Variants in SELENBP1 observed in about 807,000 individuals in gnomAD.
SELENBP1 encodes the protein selenium binding protein 1.
SELENBP1 carries 71 observed loss-of-function variants against 61.0 expected under a neutral mutation model. That is an observed-to-expected ratio of 1.16 (90% CI 0.96 to 1.42). The LOEUF (loss-of-function observed/expected upper bound fraction) is 1.42. Ranked by LOEUF, SELENBP1 falls within the 40% of genes most tolerant of loss-of-function variation. The probability of loss-of-function intolerance (pLI) is 0.00; values close to 1 mark genes in which losing one functional copy is unlikely to be tolerated. For synonymous variants in SELENBP1, 270 were observed against 238.9 expected (o/e 1.13, Z -1.20); for missense variants, 561 against 605.0 (o/e 0.93, Z 0.76).
At chr1:151,365,479 C>A in intron 9 of SELENBP1, 84 bp downstream of exon 9, 1 of 1,594,736 alleles carries the variant, frequency 6.3e-7, no homozygotes, top group Non-Finnish European at 8.5e-7. Flanking sequence ...CAACATCCTG[C>A]AGCTGCTTCA....
In SELENBP1 at chr1:151,366,293, C is replaced by T. The variant is rs761318509; in HGVS notation, c.825G>A (p.Gln275=). 17 of 1,613,754 alleles carry T rather than the reference C, an allele frequency of 1.1e-5. No homozygotes were observed. Among genetic ancestry groups the T allele is most frequent in the Non-Finnish European group, 1.4e-5 (17 of 1,179,886 alleles). The change falls in exon 7 of 12, where the codon CAG becomes CAA. Residue 275 remains glutamine, a synonymous_variant. Coordinates refer to ENST00000368868, the MANE Select transcript of SELENBP1 (RefSeq NM_003944.4). ...ATGTCACCTCGTTCTTGTAGAAGCG[C>T]TGGATGGTGGAGCTGAGTGCGCAGC... ...FVGCALSSTI[Q]RFYKNEGGTW...
Position 151,366,311 on chromosome 1 carries a change from T to G in SELENBP1, c.807A>C (p.Ala269=). 6.2e-7 allele frequency: 1 copy of G among 1,613,982 alleles called. No homozygotes were observed. Among genetic ancestry groups the G allele is most frequent in the Non-Finnish European group, 8.5e-7 (1 of 1,180,002 alleles). ...AGAAGCGCTGGATGGTGGAGCTGAG[T>G]GCGCAGCCCACAAAGCCTTGGGCAG... ...PDAAQGFVGC[A]LSSTIQRFYK... Residue 269 remains alanine (A), a synonymous_variant, in exon 7 of 12, where the codon GCA becomes GCC. Coordinates refer to ENST00000368868, the MANE Select transcript of SELENBP1 (RefSeq NM_003944.4).
chr1:151,372,660 T>G lies in SELENBP1; in HGVS notation c.-19A>C. 6.2e-7 allele frequency: 1 copy of G among 1,614,100 alleles called. No individual in the cohort carries two copies. The highest frequency in any genetic ancestry group is 1.3e-5 in the African/African-American group (1 of 75,030). On this transcript the variant is annotated 5_prime_UTR_variant, in exon 1 of 12. Coordinates refer to ENST00000368868, the MANE Select transcript of SELENBP1 (RefSeq NM_003944.4). ...TACCCATGCTGCCGACTGGTACACT[T>G]TGATCCCGGCGGGTTTGCTGTGCTG...
chr1:151,364,830 G>T, intron 11 of SELENBP1, 96 bp downstream of exon 11: 1 of 1,471,914 alleles, frequency 6.8e-7, no homozygotes, highest in Non-Finnish European at 9.3e-7. Flanking sequence ...TCTGTGTGGT[G>T]GGGTACAGGG....
chr1:151,367,155 C>T (rs926412646), intron 5 of SELENBP1: 7 of 803,920 alleles, frequency 8.7e-6, no homozygotes, highest in Non-Finnish European at 1.2e-5. Flanking sequence ...TCAGCCTGGC[C>T]AACATGGTGA....
intron 4 of SELENBP1, 43 bp downstream of exon 4, chr1:151,368,961 G>C (rs1395721531): frequency 6.4e-7 from 1 of 1,562,758 alleles, no homozygotes; most frequent in Admixed American, 1.8e-5. Flanking sequence ...TGGGGTGGCA[G>C]GTGTCTTATG....
chr1:151,368,937 G>A (rs1651993804), intron 4 of SELENBP1, 67 bp downstream of exon 4: 2 of 1,508,652 alleles, frequency 1.3e-6, no homozygotes, highest in Admixed American at 3.8e-5. Flanking sequence ...CTGGCTTCCT[G>A]CCCGTAGACT....
Position 151,365,282 on chromosome 1 carries a change from C to T in SELENBP1, c.1045-1G>A, listed in dbSNP as rs749572782. ...TAACAATGCTGCCTCCGAGGAAGAG[C>T]TAGATGGGGAGGTGCAGAGTATAAG... is the stretch of plus-strand genomic sequence containing the variant. On this transcript the variant is annotated splice_acceptor_variant, in intron 9 of 11. Transcript: ENST00000368868. LOFTEE classifies it high-confidence loss of function. The T allele has an allele frequency of 1.2e-6, 2 of 1,611,590 alleles. No homozygotes were observed. The highest frequency in any genetic ancestry group is 2.2e-5 in the South Asian group (2 of 90,734).
intron 4 of SELENBP1, among the ~76,000 whole-genome samples, chr1:151,368,664 C>A (rs1039711678): frequency 1.3e-5 from 2 of 152,206 alleles, no homozygotes; most frequent in African/African-American, 4.8e-5. Context: ...AAATGCCTGG[C>A]ACCAAAAGTG....
At position 151,368,327 on chromosome 1, in the gene SELENBP1, G is replaced by C; in HGVS notation, c.361-8C>G. 1 of 1,613,918 alleles carries C rather than the reference G, an allele frequency of 6.2e-7. No homozygotes were observed. Among genetic ancestry groups the C allele is most frequent in the African/African-American group, 1.3e-5 (1 of 75,036 alleles). On this transcript the variant is annotated splice_polypyrimidine_tract_variant and splice_region_variant and intron_variant, in intron 4 of 11. Transcript: ENST00000368868. ...GTCCTTGGGCTCAATGACCTGGAAGGGGTGGGGAATGGTGTCAGAATCATA... is the reference window on the plus strand; with the variant it reads ...GTCCTTGGGCTCAATGACCTGGAAGCGGTGGGGAATGGTGTCAGAATCATA...
At position 151,365,845 on chromosome 1, in the gene SELENBP1, C is replaced by CCA; in HGVS notation, c.844_845insTG (p.Gly282ValfsTer10). The stretch of plus-strand genomic sequence containing the variant: ...CACCTTCTCCACTGACCATGTACCT[C>CCA]CCTACATTGAGGGGTGGAGGGTGAG... On this transcript the variant is annotated frameshift_variant and splice_region_variant, in exon 8 of 12. Transcript: ENST00000368868. LOFTEE classifies it high-confidence loss of function. 6.2e-7 allele frequency: 1 copy of CCA among 1,614,060 alleles called. No homozygotes were observed. The highest frequency in any genetic ancestry group is 1.1e-5 in the South Asian group (1 of 91,078).
chr1:151,369,360 TG>T, intron 3 of SELENBP1, 81 bp downstream of exon 3: 1 of 1,446,808 alleles, frequency 6.9e-7, no homozygotes, highest in South Asian at 1.2e-5. Context: ...CCAAGAAGGA[TG>T]GAGCTGGGAA....
intron 5 of SELENBP1, chr1:151,367,355 A>AAAAAAAAAAAAAAAGAAAAGAAAAG (rs966572769): frequency 2.0e-5 from 1 of 49,250 alleles, no homozygotes; most frequent in Admixed American, 2.6e-4. Flanking sequence ...AAAAAAAAAA[A>AAAAAAAAAAAAAAAGAAAAGAAAAG]AAAAAGAGAA....
chr1:151,369,378 G>GA (rs1215779448), intron 3 of SELENBP1, 64 bp downstream of exon 3: 33 of 1,498,626 alleles, frequency 2.2e-5, no homozygotes, highest in Admixed American at 7.6e-5. Flanking sequence ...GGAAGGGGGG[G>GA]CCCAGGGCCA....
intron 6 of SELENBP1, 130 bp downstream of exon 6, chr1:151,366,592 G>A: frequency 7.2e-7 from 1 of 1,385,552 alleles, no homozygotes; most frequent in East Asian, 2.3e-5. Context: ...ATCTGAGCAT[G>A]CGGTACATCC....
chr1:151,366,560 G>T, intron 6 of SELENBP1, 107 bp from the exon 7 acceptor site: 1 of 1,432,174 alleles, frequency 7.0e-7, no homozygotes, highest in Non-Finnish European at 9.6e-7. Flanking sequence ...TGGATTGGAG[G>T]GATCAGGAAG....
Position 151,364,785 on chromosome 1 carries a change from G to C in SELENBP1, c.1257-80C>G, listed in dbSNP as rs1651710908. 4 of 1,514,916 alleles carry C rather than the reference G, an allele frequency of 2.6e-6. No individual in the cohort carries two copies. In the East Asian group the frequency reaches 9.0e-5, roughly 34 times the overall value. 93.8% of individuals were successfully genotyped at this position (1,514,916 alleles called of 1,614,324 possible). On this transcript the variant is annotated intron_variant, in intron 11 of 11. Coordinates refer to ENST00000368868, the MANE Select transcript of SELENBP1 (RefSeq NM_003944.4). ...CCTAAGATTTTAGGGGAAAGCTCCTGAGGAAGGAGGAATGACCAGGGTCTC... is the reference window on the plus strand; with the variant it reads ...CCTAAGATTTTAGGGGAAAGCTCCTCAGGAAGGAGGAATGACCAGGGTCTC...
intron 1 of SELENBP1, chr1:151,370,341 A>G (rs1339151311): frequency 5.9e-6 from 1 of 170,912 alleles, no homozygotes; most frequent in African/African-American, 2.4e-5. Context: ...AGATGCTTCT[A>G]TATCAGGGGG....
Position 151,366,841 on chromosome 1 carries a change from C to A in SELENBP1, c.545G>T (p.Gly182Val), listed in dbSNP as rs879129779. ...EVKGTWERPG[G>V]AAPLGYDFWY... ...GAAGTCATAGCCCAACGGTGCAGCA[C>A]CCCCAGGTCTCTCCCATGTCCCCTT... The change falls in exon 6 of 12, where the codon GGT becomes GTT. Residue 182 changes from glycine to valine, a missense_variant. Transcript: ENST00000368868. The A allele has an allele frequency of 1.2e-6, 2 of 1,614,002 alleles. No individual in the cohort carries two copies. Among genetic ancestry groups the A allele is most frequent in the African/African-American group, 1.3e-5 (1 of 74,908 alleles).
Sources: allele counts gnomAD v4.1 joint callset (sites outside exome capture counted in the v4.1 genomes callset), GRCh38; gene constraint gnomAD v4.1.1; transcripts MANE v1.5; gene names NCBI Gene and HGNC (gene_info 2026-07-23, HGNC 2026-07-21).